MDGA2: variants seen among roughly 807,000 people sequenced by gnomAD.
MDGA2 encodes the protein MAM domain containing glycosylphosphatidylinositol anchor 2.
Under a neutral mutation model 117.8 loss-of-function variants are expected in MDGA2, and 40 were observed. The ratio of observed to expected loss-of-function variants is 0.34; its 90% confidence interval spans 0.26 to 0.44. The LOEUF (loss-of-function observed/expected upper bound fraction) is 0.44. Ranked by LOEUF, MDGA2 falls within the 20% of genes least tolerant of loss-of-function variation. The probability of loss-of-function intolerance (pLI) is 1.00; values close to 1 mark genes in which losing one functional copy is unlikely to be tolerated. For synonymous variants in MDGA2, 452 were observed against 439.0 expected (o/e 1.03, Z -0.37); for missense variants, 1,123 against 1,250.6 (o/e 0.90, Z 1.54).
intron 1 of MDGA2, among the ~76,000 whole-genome samples, chr14:47,323,080 C>T (rs1193235721): frequency 6.9e-6 from 1 of 145,164 alleles, no homozygotes; most frequent in Non-Finnish European, 1.5e-5. Context: ...ATTTTAAAGA[C>T]TAACCACCCA....
At chr14:47,657,988 A>T (rs2138284404) in intron 1 of MDGA2, among the ~76,000 whole-genome samples, 1 of 152,254 alleles carries the variant, frequency 6.6e-6, no homozygotes, top group African/African-American at 2.4e-5. Flanking sequence ...CTCTCATGAC[A>T]TATGTAGGGT....
chr14:47,571,860 A>G (rs1896026692), intron 1 of MDGA2, among the ~76,000 whole-genome samples: 1 of 152,210 alleles, frequency 6.6e-6, no homozygotes, highest in African/African-American at 2.4e-5. Context: ...TACCTATGTA[A>G]CAAACCTGCA....
chr14:47,195,515 A>G (rs924896464), intron 3 of MDGA2, among the ~76,000 whole-genome samples: 4 of 152,108 alleles, frequency 2.6e-5, no homozygotes, highest in African/African-American at 4.8e-5. Flanking sequence ...ATATAGGCTT[A>G]TATCTACAAA....
intron 2 of MDGA2, among the ~76,000 whole-genome samples, chr14:47,221,484 C>T (rs779935809): frequency 1.3e-4 from 20 of 152,014 alleles, no homozygotes; most frequent in Admixed American, 2.0e-4. Flanking sequence ...GTCAGGAGAT[C>T]GAGACCATCC....
At chr14:47,063,538 A>G (rs1395682206) in intron 6 of MDGA2, among the ~76,000 whole-genome samples, 1 of 151,954 alleles carries the variant, frequency 6.6e-6, no homozygotes, top group Non-Finnish European at 1.5e-5. Flanking sequence ...ATGCCAATGT[A>G]ATTGAAGTTT....
chr14:47,063,071 C>T (rs1054723082), intron 6 of MDGA2, among the ~76,000 whole-genome samples: 7 of 152,018 alleles, frequency 4.6e-5, no homozygotes, highest in African/African-American at 1.7e-4. Flanking sequence ...CCTGCATATT[C>T]ATAGATTAGA....
chr14:47,617,369 T>A (rs1896966197), intron 1 of MDGA2, among the ~76,000 whole-genome samples: 1 of 152,046 alleles, frequency 6.6e-6, no homozygotes, highest in African/African-American at 2.4e-5. Context: ...CACACCTGGC[T>A]AATTTTTGTA....
At chr14:47,614,861 G>A (rs1361351158) in intron 1 of MDGA2, among the ~76,000 whole-genome samples, 1 of 152,058 alleles carries the variant, frequency 6.6e-6, no homozygotes, top group Non-Finnish European at 1.5e-5. Context: ...GCCAATAATA[G>A]TACCCACTTC....
chr14:47,562,389 C>A (rs1232061580), intron 1 of MDGA2, among the ~76,000 whole-genome samples: 2 of 151,962 alleles, frequency 1.3e-5, no homozygotes, highest in Admixed American at 6.6e-5. Flanking sequence ...GGTTGGTTGG[C>A]AGGCTTTTTA....
At chr14:47,306,563 T>A (rs966337784) in intron 1 of MDGA2, among the ~76,000 whole-genome samples, 1 of 152,210 alleles carries the variant, frequency 6.6e-6, no homozygotes, top group African/African-American at 2.4e-5. Flanking sequence ...CCTGGTTTTT[T>A]AGTTAAATCT....
At chr14:47,165,969 C>T (rs1228794391) in intron 3 of MDGA2, among the ~76,000 whole-genome samples, 3 of 151,090 alleles carry the variant, frequency 2.0e-5, no homozygotes, top group Admixed American at 2.0e-4. Flanking sequence ...TTTGAAGGCT[C>T]ATATACACCT....
intron 4 of MDGA2, among the ~76,000 whole-genome samples, chr14:47,137,007 A>G (rs1175588716): frequency 6.6e-6 from 1 of 152,240 alleles, no homozygotes; most frequent in Non-Finnish European, 1.5e-5. Flanking sequence ...GAGAATCAAC[A>G]TCAATGCAGC....
chr14:47,309,878 T>C (rs1889579194), intron 1 of MDGA2, among the ~76,000 whole-genome samples: 1 of 152,122 alleles, frequency 6.6e-6, no homozygotes, highest in Admixed American at 6.6e-5. Context: ...TAAATGTACA[T>C]TAAATTTTAA....
intron 7 of MDGA2, among the ~76,000 whole-genome samples, chr14:47,055,195 G>A (rs1889631737): frequency 6.6e-6 from 1 of 151,850 alleles, no homozygotes; most frequent in South Asian, 2.1e-4. Context: ...TAAGCCTTAA[G>A]AATGTCTTTT....
At chr14:47,097,565 T>C (rs1467828915) in intron 5 of MDGA2, among the ~76,000 whole-genome samples, 1 of 152,072 alleles carries the variant, frequency 6.6e-6, no homozygotes, top group Non-Finnish European at 1.5e-5. Context: ...GATGAAATGA[T>C]AAATTTTTGC....
intron 1 of MDGA2, among the ~76,000 whole-genome samples, chr14:47,577,184 G>C (rs755603883): frequency 6.6e-6 from 1 of 152,118 alleles, no homozygotes; most frequent in Non-Finnish European, 1.5e-5. Flanking sequence ...ATGGGGAAAG[G>C]ATTCCCTATT....
intron 1 of MDGA2, among the ~76,000 whole-genome samples, chr14:47,436,502 A>T (rs1892901352): frequency 6.6e-6 from 1 of 152,104 alleles, no homozygotes; most frequent in Non-Finnish European, 1.5e-5. Context: ...ACTTCCCCTG[A>T]TGGAGTATGC....
In MDGA2 at chr14:47,561,153, G is replaced by GGTTTTTTTTTT. The variant is rs1895797132; in HGVS notation, c.280+113363_280+113364insAAAAAAAAAAC. ...TACCTCTATCTTTGTTTTTTTTTTT[G>GGTTTTTTTTTT]TTTTGTTTTGTTTTTTTGTTTGTTT... On this transcript the variant is annotated intron_variant, in intron 1 of 16. Coordinates refer to ENST00000399232, the MANE Select transcript of MDGA2 (RefSeq NM_001113498.3). Among the ~76,000 whole-genome samples the GGTTTTTTTTTT allele has an allele frequency of 6.1e-4, 39 of 63,896 alleles. 5 individuals carry two copies. Among genetic ancestry groups the GGTTTTTTTTTT allele is most frequent in the East Asian group, 2.9e-3 (2 of 694 alleles). 41.9% of individuals were successfully genotyped at this position (63,896 alleles called of 152,430 possible).
At chr14:47,089,853 TC>T (rs1368724792) in intron 6 of MDGA2, among the ~76,000 whole-genome samples, 10 of 43,828 alleles carry the variant, frequency 2.3e-4, no homozygotes, top group African/African-American at 2.2e-3. Flanking sequence ...CTGTTTTACT[TC>T]TGAAAAAAAA....
Sources: allele counts gnomAD v4.1 joint callset (sites outside exome capture counted in the v4.1 genomes callset), GRCh38; gene constraint gnomAD v4.1.1; transcripts MANE v1.5; gene names NCBI Gene and HGNC (gene_info 2026-07-23, HGNC 2026-07-21).